The following CSMD1 variants were observed in gnomAD, a reference collection of about 807,000 sequenced individuals.
CSMD1 encodes CUB and sushi domain-containing protein 1.
A neutral mutation model predicts 417.5 loss-of-function variants in CSMD1; 213 were observed. The ratio of observed to expected loss-of-function variants is 0.51; its 90% confidence interval spans 0.46 to 0.57. The LOEUF is 0.57. Among genes scored for constraint, CSMD1 ranks in the 20% least tolerant of loss-of-function variants. The pLI is 0.00. For synonymous variants in CSMD1, 2,862 were observed against 1,736.8 expected, an observed-to-expected ratio of 1.65 and a Z score of -16.11; for missense variants, 6,923 against 4,529.7, an observed-to-expected ratio of 1.53 and a Z score of -15.17.
chr8:3,729,148 C>T (rs1327602566), intron 6 of CSMD1, among the ~76,000 whole-genome samples: 1 of 152,236 alleles, frequency 6.6e-6, no homozygotes, highest in Non-Finnish European at 1.5e-5. Flanking sequence ...ACTTGTGGAA[C>T]ATTTAACTAA....
At chr8:4,106,938 G>A (rs1159056349) in intron 3 of CSMD1, among the ~76,000 whole-genome samples, 1 of 152,166 alleles carries the variant, frequency 6.6e-6, no homozygotes, top group Non-Finnish European at 1.5e-5. Context: ...AACGCGTTGT[G>A]GTTCTCAGTT....
chr8:4,397,950 G>T (rs539598552), intron 3 of CSMD1, among the ~76,000 whole-genome samples: 1 of 152,006 alleles, frequency 6.6e-6, no homozygotes, highest in Admixed American at 6.6e-5. Context: ...GGAAAAAATG[G>T]GTTGTCATAC....
At chr8:4,882,705 G>C (rs1448732197) in intron 1 of CSMD1, among the ~76,000 whole-genome samples, 2 of 151,648 alleles carry the variant, frequency 1.3e-5, no homozygotes, top group African/African-American at 4.9e-5. Flanking sequence ...TTTCCTCTGG[G>C]AACCAGACTA....
At chr8:3,114,847 A>G (rs958367336) in intron 42 of CSMD1, among the ~76,000 whole-genome samples, 5 of 152,234 alleles carry the variant, frequency 3.3e-5, no homozygotes, top group South Asian at 2.1e-4. Flanking sequence ...CAATTTTGCA[A>G]TAAAATTGTT....
At chr8:3,077,141 G>T (rs1403697375) in intron 49 of CSMD1, among the ~76,000 whole-genome samples, 1 of 152,154 alleles carries the variant, frequency 6.6e-6, no homozygotes, top group Non-Finnish European at 1.5e-5. Flanking sequence ...CGGACTTCCT[G>T]GAGCCTGCCA....
intron 54 of CSMD1, among the ~76,000 whole-genome samples, chr8:2,984,431 C>G (rs1805687827): frequency 6.6e-6 from 1 of 152,030 alleles, no homozygotes; most frequent in African/African-American, 2.4e-5. Flanking sequence ...TCACTGCAAC[C>G]TCCGCCTCCC....
At chr8:4,533,157 A>G (rs975275008) in intron 2 of CSMD1, among the ~76,000 whole-genome samples, 1 of 152,166 alleles carries the variant, frequency 6.6e-6, no homozygotes, top group Non-Finnish European at 1.5e-5. Context: ...CACCCAGCTA[A>G]TGTTTTCAGG....
At chr8:4,130,867 G>C (rs1430587895) in intron 3 of CSMD1, among the ~76,000 whole-genome samples, 3 of 151,698 alleles carry the variant, frequency 2.0e-5, no homozygotes, top group East Asian at 3.9e-4. Flanking sequence ...AACTTAGAAA[G>C]AGTGTTCATA....
intron 3 of CSMD1, among the ~76,000 whole-genome samples, chr8:4,267,699 T>A (rs1295705046): frequency 6.6e-6 from 1 of 152,096 alleles, no homozygotes. Flanking sequence ...GTGTCTTACA[T>A]GACTTTACAT....
At chr8:4,551,150 G>C (rs1019788337) in intron 2 of CSMD1, among the ~76,000 whole-genome samples, 1 of 152,082 alleles carries the variant, frequency 6.6e-6, no homozygotes, top group East Asian at 1.9e-4. Flanking sequence ...CATCTATGTG[G>C]AGATCCTGTG....
At chr8:4,212,408 G>A (rs1466049041) in intron 3 of CSMD1, among the ~76,000 whole-genome samples, 4 of 152,112 alleles carry the variant, frequency 2.6e-5, no homozygotes, top group Admixed American at 6.5e-5. Flanking sequence ...TACTTTTCAT[G>A]TTTTGACATT....
intron 7 of CSMD1, among the ~76,000 whole-genome samples, chr8:3,699,039 A>G (rs1340159227): frequency 6.6e-6 from 1 of 152,196 alleles, no homozygotes; most frequent in Non-Finnish European, 1.5e-5. Flanking sequence ...CAAGCTCTGG[A>G]TCTAGCGAAG....
intron 2 of CSMD1, among the ~76,000 whole-genome samples, chr8:4,446,060 G>C (rs73660835): frequency 1.5e-4 from 23 of 152,282 alleles, no homozygotes; most frequent in African/African-American, 4.8e-4. Context: ...GAGGAGACGA[G>C]GCTGTTTCAT....
chr8:4,260,326 T>C (rs1298266156), intron 3 of CSMD1, among the ~76,000 whole-genome samples: 1 of 152,242 alleles, frequency 6.6e-6, no homozygotes, highest in African/African-American at 2.4e-5. Flanking sequence ...GTGTCTGTTT[T>C]TATTTGCCTG....
At chr8:3,466,900 C>T (rs535384531) in intron 12 of CSMD1, among the ~76,000 whole-genome samples, 1 of 152,096 alleles carries the variant, frequency 6.6e-6, no homozygotes, top group Non-Finnish European at 1.5e-5. Flanking sequence ...CTGTTATAAT[C>T]TCTTAATTTT....
intron 1 of CSMD1, among the ~76,000 whole-genome samples, chr8:4,947,517 C>G (rs1407776793): frequency 6.6e-6 from 1 of 152,174 alleles, no homozygotes; most frequent in South Asian, 2.1e-4. Flanking sequence ...TAACATCAAT[C>G]CCACATGTGG....
intron 5 of CSMD1, among the ~76,000 whole-genome samples, chr8:3,967,944 G>A (rs764908633): frequency 2.7e-5 from 4 of 149,976 alleles, no homozygotes; most frequent in South Asian, 4.2e-4. Flanking sequence ...GAGGTGTGCG[G>A]ATCACGAGGT....
chr8:4,068,855 C>T (rs948716868), intron 3 of CSMD1, among the ~76,000 whole-genome samples: 16 of 152,082 alleles, frequency 1.1e-4, no homozygotes, highest in African/African-American at 3.9e-4. Context: ...AATGCAGCTC[C>T]ACCATCTAGT....
chr8:3,064,060 T>C (rs1423408366), intron 49 of CSMD1, among the ~76,000 whole-genome samples: 1 of 152,216 alleles, frequency 6.6e-6, no homozygotes, highest in East Asian at 1.9e-4. Flanking sequence ...TACTTTTCAA[T>C]TTTCATTCTC....
Sources: allele counts gnomAD v4.1 joint callset (sites outside exome capture counted in the v4.1 genomes callset), GRCh38; gene constraint gnomAD v4.1.1; transcripts MANE v1.5; gene names NCBI Gene and HGNC (gene_info 2026-07-23, HGNC 2026-07-21).